The following SLC25A13 variants were observed in gnomAD, a reference collection of about 807,000 sequenced individuals.
SLC25A13 encodes electrogenic aspartate/glutamate antiporter SLC25A13, mitochondrial.
Under a neutral mutation model 85.5 loss-of-function variants are expected in SLC25A13, and 70 were observed. That is an observed-to-expected ratio of 0.82 (90% CI 0.68 to 1.00). SLC25A13 has a LOEUF of 1.00. Ranked by LOEUF, SLC25A13 falls within the 50% of genes least tolerant of loss-of-function variation. The pLI is 0.00. For missense variants in SLC25A13, 765 were observed against 819.8 expected (o/e 0.93, Z 0.82); for synonymous variants, 259 against 288.7 (o/e 0.90, Z 1.04).
chr7:96,127,495 A>T (rs1017886958), intron 15 of SLC25A13, among the ~76,000 whole-genome samples: 1 of 152,214 alleles, frequency 6.6e-6, no homozygotes, highest in African/African-American at 2.4e-5. Context: ...GATACCAATA[A>T]CCACTTTTGC....
chr7:96,237,474 G>A (rs1416582097), intron 3 of SLC25A13, among the ~76,000 whole-genome samples: 1 of 152,196 alleles, frequency 6.6e-6, no homozygotes, highest in Non-Finnish European at 1.5e-5. Context: ...CACCTAGGGT[G>A]GACCTTAAGG....
Position 96,177,691 on chromosome 7 carries a change from TTTGTTG to T in SLC25A13, c.1178-6173_1178-6168del, listed in dbSNP as rs1037251164. 2.0e-5 allele frequency among the ~76,000 whole-genome samples: 3 copies of T among 152,168 alleles called. No homozygotes were observed. In the East Asian group the frequency reaches 5.8e-4, roughly 29 times the overall value. On this transcript the variant is annotated intron_variant, in intron 11 of 17. Transcript: ENST00000265631. ...ACAGTAAAGACTACAGAAATGGATT[TTTGTTG>T]TTGTTGTTGATCTTCATCATCACTA... is the stretch of plus-strand genomic sequence containing the variant.
chr7:96,252,419 A>G (rs1431469557), intron 3 of SLC25A13, among the ~76,000 whole-genome samples: 2 of 152,214 alleles, frequency 1.3e-5, no homozygotes, highest in African/African-American at 4.8e-5. Flanking sequence ...GCTTGGAGAG[A>G]GAAGGCTCAG....
At chr7:96,175,299 C>T (rs1326504350) in intron 11 of SLC25A13, among the ~76,000 whole-genome samples, 2 of 152,156 alleles carry the variant, frequency 1.3e-5, no homozygotes, top group East Asian at 1.9e-4. Flanking sequence ...CATCTTAAGG[C>T]TATGGCATGG....
chr7:96,199,161 G>A lies in SLC25A13; in HGVS notation c.469-5978C>T, dbSNP rs145839546. Among the ~76,000 whole-genome samples, 706 of 152,280 alleles carry A rather than the reference G, an allele frequency of 4.6e-3. 4 individuals carry two copies. Among genetic ancestry groups the A allele is most frequent in the African/African-American group, 0.016 (679 of 41,564 alleles). ...CTCTGTTCTGAAGATGGAAAAATGA[G>A]GTAAGAATGAGCCAAGGGTGACACG... On this transcript the variant is annotated intron_variant, in intron 5 of 17. Coordinates refer to ENST00000265631, the MANE Select transcript of SLC25A13 (RefSeq NM_014251.3).
chr7:96,136,664 T>G (rs536226188), intron 14 of SLC25A13, among the ~76,000 whole-genome samples: 4 of 152,320 alleles, frequency 2.6e-5, no homozygotes, highest in Non-Finnish European at 4.4e-5. Context: ...TCTTTTTGCA[T>G]GCTAATTCCT....
At chr7:96,263,030 A>G (rs983100195) in intron 3 of SLC25A13, among the ~76,000 whole-genome samples, 10 of 144,090 alleles carry the variant, frequency 6.9e-5, no homozygotes, top group African/African-American at 2.9e-4. Context: ...ATCTAGGAAA[A>G]AAAAAAAAAA....
At chr7:96,312,332 A>G (rs983687959) in intron 1 of SLC25A13, among the ~76,000 whole-genome samples, 1 of 152,190 alleles carries the variant, frequency 6.6e-6, no homozygotes, top group Non-Finnish European at 1.5e-5. Context: ...TGTTATGAAG[A>G]TTGCATTAGT....
intron 4 of SLC25A13, among the ~76,000 whole-genome samples, chr7:96,231,524 A>T (rs192705153): frequency 4.9e-4 from 75 of 152,256 alleles, no homozygotes; most frequent in African/African-American, 1.7e-3. Flanking sequence ...CAGGAGTTTG[A>T]GACCATCCTG....
At chr7:96,195,657 C>T (rs905862351) in intron 5 of SLC25A13, among the ~76,000 whole-genome samples, 1 of 152,152 alleles carries the variant, frequency 6.6e-6, no homozygotes, top group Non-Finnish European at 1.5e-5. Flanking sequence ...CTAGTCTTAG[C>T]CTCATCTCCT....
chr7:96,248,473 C>T (rs1291031826), intron 3 of SLC25A13, among the ~76,000 whole-genome samples: 5 of 152,134 alleles, frequency 3.3e-5, no homozygotes, highest in Non-Finnish European at 5.9e-5. Context: ...ATTCCAGATA[C>T]TACTACGATG....
chr7:96,194,597 A>C (rs1794992247), intron 5 of SLC25A13, among the ~76,000 whole-genome samples: 1 of 152,080 alleles, frequency 6.6e-6, no homozygotes, highest in Non-Finnish European at 1.5e-5. Flanking sequence ...TTATGTAAAA[A>C]ATAATTGTCC....
chr7:96,137,716 T>A (rs544099353), intron 14 of SLC25A13, among the ~76,000 whole-genome samples: 3 of 152,280 alleles, frequency 2.0e-5, no homozygotes, highest in Non-Finnish European at 2.9e-5. Flanking sequence ...AACCTCCACC[T>A]CTGGTTCAAG....
At chr7:96,251,103 G>A (rs1350190437) in intron 3 of SLC25A13, among the ~76,000 whole-genome samples, 1 of 152,074 alleles carries the variant, frequency 6.6e-6, no homozygotes, top group African/African-American at 2.4e-5. Flanking sequence ...ACCACCATGA[G>A]AAAGCCCTAA....
At chr7:96,179,059 G>A (rs867536334) in intron 11 of SLC25A13, among the ~76,000 whole-genome samples, 9 of 152,196 alleles carry the variant, frequency 5.9e-5, no homozygotes, top group Admixed American at 2.6e-4. Context: ...GGCTCAGGAT[G>A]CCTTTGGGAG....
intron 3 of SLC25A13, among the ~76,000 whole-genome samples, chr7:96,261,123 C>A (rs1005170091): frequency 5.3e-5 from 8 of 152,104 alleles, no homozygotes; most frequent in Admixed American, 2.6e-4. Context: ...AAGGCTCAAT[C>A]CCTAGGGTCT....
chr7:96,124,361 C>T (rs940288789), intron 15 of SLC25A13, among the ~76,000 whole-genome samples: 13 of 152,144 alleles, frequency 8.5e-5, no homozygotes, highest in African/African-American at 3.1e-4. Flanking sequence ...CTACTTAATA[C>T]GTCAGCTTCT....
chr7:96,309,510 A>C (rs184789342), intron 1 of SLC25A13: 6 of 152,332 alleles, frequency 3.9e-5, no homozygotes, highest in Middle Eastern at 6.8e-3. Context: ...ATGGATTATT[A>C]GAAAAAGGTT....
chr7:96,155,883 C>G (rs971789159), intron 13 of SLC25A13, among the ~76,000 whole-genome samples: 1 of 152,208 alleles, frequency 6.6e-6, no homozygotes, highest in Non-Finnish European at 1.5e-5. Context: ...GAGATGGAGG[C>G]AGAGACTTCT....
Sources: allele counts gnomAD v4.1 joint callset (sites outside exome capture counted in the v4.1 genomes callset), GRCh38; gene constraint gnomAD v4.1.1; transcripts MANE v1.5; gene names NCBI Gene and HGNC (gene_info 2026-07-23, HGNC 2026-07-21).